DCAF17: variants seen among roughly 807,000 people sequenced by gnomAD.
DCAF17 encodes the protein DDB1- and CUL4-associated factor 17.
In DCAF17, 48 loss-of-function variants were observed where a neutral mutation model predicts 66.0. The observed-to-expected ratio is 0.73, with a 90% CI of 0.58 to 0.92. DCAF17 has a LOEUF of 0.92. Among genes scored for constraint, DCAF17 ranks in the 40% least tolerant of loss-of-function variants. The pLI is 0.00. For missense variants in DCAF17, 562 were observed against 622.8 expected (o/e 0.90, Z 1.04); for synonymous variants, 206 against 214.6 (o/e 0.96, Z 0.35).
Position 171,434,519 on chromosome 2 carries a change from G to T in DCAF17, c.-59G>T. ...GAAGGCAGCGGCGGCTGCCCAGCAC[G>T]GGAGTGTGGGGCGCGCCACTCGGCG... On this transcript the variant is annotated 5_prime_UTR_variant, in exon 1 of 14. Transcript: ENST00000375255. 1 of 1,522,794 alleles carries T rather than the reference G, an allele frequency of 6.6e-7. No individual in the cohort carries two copies. The highest frequency in any genetic ancestry group is 1.2e-5 in the South Asian group (1 of 83,388). The allele number at this position is 1,522,794 out of a possible 1,614,324, so 94.3% of individuals were successfully genotyped here. A position where few individuals can be genotyped will look rare whatever the true frequency, so the allele number is the denominator to read the frequency against.
intron 2 of DCAF17, among the ~76,000 whole-genome samples, chr2:171,439,059 A>G (rs756121328): frequency 6.6e-6 from 1 of 151,748 alleles, no homozygotes; most frequent in Admixed American, 6.6e-5. Context: ...GCTTGCTCTT[A>G]TGCTCTCTGA....
intron 10 of DCAF17, among the ~76,000 whole-genome samples, chr2:171,476,639 TG>T (rs1696508669): frequency 6.6e-6 from 1 of 152,248 alleles, no homozygotes; most frequent in Non-Finnish European, 1.5e-5. Flanking sequence ...CAGTGGCACC[TG>T]TTGTCACAGT....
rs1446746587 is a variant in DCAF17 at position 171,484,963 on chromosome 2, GT to G, written c.*3856del. 1 of 453,666 alleles carries G rather than the reference GT, an allele frequency of 2.2e-6. No homozygotes were observed. Among genetic ancestry groups the G allele is most frequent in the Non-Finnish European group, 4.4e-6 (1 of 226,704 alleles). 28.1% of individuals were successfully genotyped at this position (453,666 alleles called of 1,614,324 possible). A position where few individuals can be genotyped will look rare whatever the true frequency, so the allele number is the denominator to read the frequency against. ...CTTTCGTATGAATATATCACAGTTT[GT>G]TTTTTTATCTTTCTGTTGATGGACA... On this transcript the variant is annotated 3_prime_UTR_variant, in exon 14 of 14. Coordinates refer to ENST00000375255, the MANE Select transcript of DCAF17 (RefSeq NM_025000.4).
At position 171,448,754 on chromosome 2, in the gene DCAF17, G is replaced by C. The variant is rs756053962; in HGVS notation, c.395G>C (p.Arg132Pro). The C allele has an allele frequency of 6.2e-7, 1 of 1,612,168 alleles. No homozygotes were observed. The highest frequency in any genetic ancestry group is 8.5e-7 in the Non-Finnish European group (1 of 1,179,360). Residue 132 changes from arginine (R) to proline (P), a missense_variant, in exon 4 of 14, where the codon CGT becomes CCT. Arg to Pro is a moderately radical substitution (Grantham distance 103). Transcript: ENST00000375255. ...CTGACTGCTCATAATTGGCTACTTC[G>C]TATATCAGCAACTACGGGAAAAATC... ...IALTAHNWLL[R>P]ISATTGKILE...
intron 3 of DCAF17, among the ~76,000 whole-genome samples, chr2:171,446,269 C>T (rs112686269): frequency 6.6e-6 from 1 of 151,788 alleles, no homozygotes; most frequent in East Asian, 1.9e-4. Context: ...GGAGAGTGGC[C>T]AGGTGCGGTG....
chr2:171,475,047 T>TA (rs1243772324), intron 10 of DCAF17, among the ~76,000 whole-genome samples: 1 of 152,236 alleles, frequency 6.6e-6, no homozygotes, highest in Non-Finnish European at 1.5e-5. Flanking sequence ...GCTCTTAGGA[T>TA]AAAAACCAAT....
At chr2:171,440,038 T>C (rs1042112528) in intron 2 of DCAF17, among the ~76,000 whole-genome samples, 7 of 152,166 alleles carry the variant, frequency 4.6e-5, no homozygotes, top group African/African-American at 1.7e-4. Flanking sequence ...AATAGTGCAC[T>C]GTAGCCCCAA....
chr2:171,470,640 T>A (rs1325878819), intron 9 of DCAF17, among the ~76,000 whole-genome samples: 4 of 152,214 alleles, frequency 2.6e-5, no homozygotes, highest in Non-Finnish European at 5.9e-5. Flanking sequence ...TTGGTTTGAT[T>A]GGTCACCTCC....
rs1411876010 is a variant in DCAF17 at position 171,476,935 on chromosome 2, C to CA, written c.1168dup (p.Arg390LysfsTer5). ...CTGAAGATTTTGTCATTTTGGCCAA[C>CA]AGGGAGAACCATAAAGTAAGTCAAG... On this transcript the variant is annotated frameshift_variant, in exon 11 of 14. Coordinates refer to ENST00000375255, the MANE Select transcript of DCAF17 (RefSeq NM_025000.4). LOFTEE classifies it high-confidence loss of function. 1 of 1,612,242 alleles carries CA rather than the reference C, an allele frequency of 6.2e-7. No individual in the cohort carries two copies. Among genetic ancestry groups the CA allele is most frequent in the South Asian group, 1.1e-5 (1 of 91,042 alleles).
rs375191229 is a variant in DCAF17 at position 171,481,084 on chromosome 2, A to G, written c.1533A>G (p.Glu511=). The change falls in exon 14 of 14, where the codon GAA becomes GAG. Residue 511 remains glutamate, a synonymous_variant. Transcript: ENST00000375255. The part of the protein sequence containing the change: ...YVYQMICDTG[E]EEETINRSC Reference sequence around the variant, plus strand: ...ACCAGATGATATGTGACACTGGGGAAGAAGAAGAAACCATAAACAGAAGCT... The same window carrying G: ...ACCAGATGATATGTGACACTGGGGAGGAAGAAGAAACCATAAACAGAAGCT... 79 of 1,613,632 alleles carry G rather than the reference A, an allele frequency of 4.9e-5. No individual in the cohort carries two copies. The highest frequency in any genetic ancestry group is 6.4e-5 in the Non-Finnish European group (76 of 1,179,670).
chr2:171,448,567 T>C, intron 3 of DCAF17, 114 bp from the exon 4 acceptor site: 1 of 935,512 alleles, frequency 1.1e-6, no homozygotes. Flanking sequence ...AATCTTTCTT[T>C]TGTGGTTTAT....
intron 9 of DCAF17, among the ~76,000 whole-genome samples, chr2:171,472,068 C>G (rs991662279): frequency 6.6e-6 from 1 of 151,978 alleles, no homozygotes; most frequent in Non-Finnish European, 1.5e-5. Context: ...ACAATATAAC[C>G]CCAGCCTACC....
chr2:171,466,727 G>GTTTTTTTTTTTTTTTTTTT (rs74268270), intron 8 of DCAF17, among the ~76,000 whole-genome samples: 1 of 133,634 alleles, frequency 7.5e-6, no homozygotes. Context: ...TGTTTGTACT[G>GTTTTTTTTTTTTTTTTTTT]TTTTTTTTTT....
chr2:171,438,455 T>C (rs1463604049), intron 2 of DCAF17, among the ~76,000 whole-genome samples: 1 of 152,212 alleles, frequency 6.6e-6, no homozygotes, highest in Admixed American at 6.5e-5. Flanking sequence ...TATTGAAATC[T>C]CTATAATAGT....
intron 2 of DCAF17, among the ~76,000 whole-genome samples, chr2:171,440,702 G>A (rs1694258310): frequency 6.6e-6 from 1 of 152,180 alleles, no homozygotes; most frequent in South Asian, 2.1e-4. Flanking sequence ...AGGTATTAGA[G>A]GTTAAAATTT....
intron 13 of DCAF17, 120 bp from the exon 14 acceptor site, chr2:171,480,854 A>C (rs1696710973): frequency 8.0e-7 from 1 of 1,248,174 alleles, no homozygotes; most frequent in African/African-American, 1.5e-5. Context: ...TCTTTCTAGC[A>C]ACTATTTTCT....
intron 6 of DCAF17, 71 bp downstream of exon 6, chr2:171,453,284 TTA>T: frequency 1.7e-6 from 2 of 1,170,426 alleles, no homozygotes; most frequent in African/African-American, 3.1e-5. Flanking sequence ...ATTTAATTAT[TTA>T]TGAGATATTT....
At chr2:171,453,933 C>G (rs1695097653) in intron 6 of DCAF17, among the ~76,000 whole-genome samples, 1 of 152,110 alleles carries the variant, frequency 6.6e-6, no homozygotes, top group South Asian at 2.1e-4. Context: ...GCATTATATA[C>G]TAAACTGCAT....
At chr2:171,443,640 T>G in intron 3 of DCAF17, 27 bp downstream of exon 3, 1 of 1,579,324 alleles carries the variant, frequency 6.3e-7, no homozygotes, top group Non-Finnish European at 8.7e-7. Flanking sequence ...GAGCGTTTGT[T>G]TCTAAAGCAT....
Sources: allele counts gnomAD v4.1 joint callset (sites outside exome capture counted in the v4.1 genomes callset), GRCh38; gene constraint gnomAD v4.1.1; transcripts MANE v1.5; gene names NCBI Gene and HGNC (gene_info 2026-07-23, HGNC 2026-07-21).